The following TGFBR3 variants were observed in gnomAD, a reference collection of about 807,000 sequenced individuals.
TGFBR3 encodes transforming growth factor beta receptor 3.
A neutral mutation model predicts 87.9 loss-of-function variants in TGFBR3; 46 were observed. The ratio of observed to expected loss-of-function variants is 0.52; its 90% CI spans 0.41 to 0.67. The LOEUF is 0.67. TGFBR3 is among the 30% of genes least tolerant of loss of function. TGFBR3 has a pLI of 0.00. For synonymous variants in TGFBR3, 381 were observed against 391.6 expected (o/e 0.97, Z 0.32); for missense variants, 866 against 1,041.9 (o/e 0.83, Z 2.32).
intron 2 of TGFBR3, among the ~76,000 whole-genome samples, chr1:91,891,289 G>C (rs1679442683): frequency 6.6e-6 from 1 of 151,756 alleles, no homozygotes; most frequent in African/African-American, 2.4e-5. Context: ...CTTGAGCCCA[G>C]GATTTCGAGA....
chr1:91,719,998 A>G lies in TGFBR3; in HGVS notation c.1308T>C (p.Pro436=), dbSNP rs1386513694. Residue 436 remains proline, a synonymous_variant, in exon 9 of 17, where the codon CCT becomes CCC. Transcript: ENST00000212355. ...DPVIPSIQLF[P]GLREPEEVQG... ...GCACCTCTTCTGGCTCTCTGAGACC[A>G]GGAAACAGTTGTATGCTGGGAATGA... The G allele has an allele frequency of 1.2e-6, 2 of 1,614,108 alleles. No homozygotes were observed. The highest frequency in any genetic ancestry group is 2.7e-5 in the African/African-American group (2 of 74,944).
At chr1:91,876,636 C>T (rs1678824550) in intron 1 of TGFBR3, among the ~76,000 whole-genome samples, 1 of 152,174 alleles carries the variant, frequency 6.6e-6, no homozygotes, top group Admixed American at 6.6e-5. Context: ...TGGGACCATT[C>T]AGGCAGGAAA....
rs556618536 is a variant in TGFBR3 at position 91,861,974 on chromosome 1, G to C, written c.-113-330C>G. ...GGGTTCAAGCGATTCTCCTGCCTCA[G>C]CCTCCCAAGTAGCTGGGATTACAGA... On this transcript the variant is annotated intron_variant, in intron 1 of 16. Transcript: ENST00000212355. The C allele has an allele frequency of 6.4e-4, 147 of 228,636 alleles. 1 individual carries two copies. The highest frequency in any genetic ancestry group is 9.3e-4 in the Non-Finnish European group (109 of 116,902). The allele number at this position is 228,636 out of a possible 1,614,324, so 14.2% of individuals were successfully genotyped here.
chr1:91,730,784 TAAAG>T (rs1291244011), intron 5 of TGFBR3, among the ~76,000 whole-genome samples: 1 of 152,164 alleles, frequency 6.6e-6, no homozygotes, highest in East Asian at 1.9e-4. Flanking sequence ...TTGGGGGAAA[TAAAG>T]AAGGCAGACT....
At position 91,681,321 on chromosome 1, in the gene TGFBR3, T is replaced by G. The variant is rs1670900960; in HGVS notation, c.*2418A>C. 1 of 444,982 alleles carries G rather than the reference T, an allele frequency of 2.2e-6. No individual in the cohort carries two copies. The highest frequency in any genetic ancestry group is 4.5e-6 in the Non-Finnish European group (1 of 224,514). 27.6% of individuals were successfully genotyped at this position (444,982 alleles called of 1,614,324 possible). ...TCACTCTCCAATATGAGATTAGGTT[T>G]TATCGACACAGATTTCTTGATCTGA... is the stretch of plus-strand genomic sequence containing the variant. On this transcript the variant is annotated 3_prime_UTR_variant, in exon 17 of 17. Coordinates refer to ENST00000212355, the MANE Select transcript of TGFBR3 (RefSeq NM_003243.5).
At chr1:91,833,051 C>A (rs1315449714) in intron 2 of TGFBR3, among the ~76,000 whole-genome samples, 1 of 149,438 alleles carries the variant, frequency 6.7e-6, no homozygotes, top group East Asian at 2.0e-4. Context: ...AATCCCAGCA[C>A]TTTGGGAGGC....
intron 2 of TGFBR3, among the ~76,000 whole-genome samples, chr1:91,893,138 G>A (rs1015851490): frequency 3.9e-5 from 6 of 152,278 alleles, no homozygotes; most frequent in South Asian, 2.1e-4. Flanking sequence ...GTGGAAGGCC[G>A]TGTTGTAAGT....
At position 91,826,454 on chromosome 1, in the gene TGFBR3, C is replaced by G. The variant is rs545397949; in HGVS notation, c.62-28983G>C. On this transcript the variant is annotated intron_variant, in intron 2 of 16. Transcript: ENST00000212355. ...TAAGCCAATCACTGTAACTCCATTA[C>G]TCTACCAGGGACTGATTCAAGGATG... Among the ~76,000 whole-genome samples the G allele has an allele frequency of 1.5e-3, 231 of 152,268 alleles. 1 individual carries two copies. In the South Asian group the frequency reaches 0.018, roughly 12 times the overall value.
At chr1:91,879,588 T>G (rs2770184) in intron 1 of TGFBR3, among the ~76,000 whole-genome samples, 1,766 of 152,208 alleles carry the variant, frequency 0.012, 33 homozygotes, top group African/African-American at 0.041. Flanking sequence ...GAATAAAAAA[T>G]GAAGAATAAG....
chr1:91,851,395 T>C (rs1402010862), intron 2 of TGFBR3, among the ~76,000 whole-genome samples: 3 of 152,208 alleles, frequency 2.0e-5, no homozygotes, highest in African/African-American at 7.2e-5. Flanking sequence ...GTGGCTGCCA[T>C]GGATGTGGTG....
chr1:91,719,752 G>T, intron 9 of TGFBR3, 141 bp downstream of exon 9: 2 of 979,088 alleles, frequency 2.0e-6, no homozygotes, highest in Non-Finnish European at 3.2e-6. Flanking sequence ...CCAAGGGGAA[G>T]TAGGCCCATC....
chr1:91,695,140 CTATT>C lies in TGFBR3; in HGVS notation c.2437+528_2437+531del, dbSNP rs542405352. Among the ~76,000 whole-genome samples, 608 of 144,232 alleles carry C rather than the reference CTATT, an allele frequency of 4.2e-3. 4 individuals carry two copies. Among genetic ancestry groups the C allele is most frequent in the Non-Finnish European group, 6.6e-3 (440 of 66,344 alleles). The allele number at this position is 144,232 out of a possible 152,430, so 94.6% of individuals were successfully genotyped here. A position where few individuals can be genotyped will look rare whatever the true frequency, so the allele number is the denominator to read the frequency against. On this transcript the variant is annotated intron_variant, in intron 16 of 16. Coordinates refer to ENST00000212355, the MANE Select transcript of TGFBR3 (RefSeq NM_003243.5). ...TTTTTTTTTTTCAGTTCATGGAAAT[CTATT>C]TAGAAAATTTAACTTTATAGAAAAA... is the stretch of plus-strand genomic sequence containing the variant.
chr1:91,755,321 T>C (rs1333290976), intron 4 of TGFBR3, among the ~76,000 whole-genome samples: 1 of 152,156 alleles, frequency 6.6e-6, no homozygotes, highest in East Asian at 1.9e-4. Context: ...GGGAAAAGCC[T>C]GCCCAAGGAG....
chr1:91,720,489 G>T (rs1412571785), intron 8 of TGFBR3, among the ~76,000 whole-genome samples: 4 of 152,198 alleles, frequency 2.6e-5, no homozygotes, highest in Non-Finnish European at 1.5e-5. Context: ...AAATTAAGTG[G>T]TTGGAAATGA....
At chr1:91,736,953 G>A (rs1672987446) in intron 4 of TGFBR3, among the ~76,000 whole-genome samples, 1 of 152,196 alleles carries the variant, frequency 6.6e-6, no homozygotes, top group Non-Finnish European at 1.5e-5. Context: ...GTGCATTCCA[G>A]AGGCAAGAAA....
intron 16 of TGFBR3, among the ~76,000 whole-genome samples, chr1:91,691,033 A>T (rs551053186): frequency 1.3e-3 from 199 of 152,278 alleles, no homozygotes; most frequent in African/African-American, 4.7e-3. Context: ...TATTAGAATT[A>T]AAAAAGTTAT....
intron 2 of TGFBR3, among the ~76,000 whole-genome samples, chr1:91,799,304 T>C (rs1675511470): frequency 6.6e-6 from 1 of 152,206 alleles, no homozygotes; most frequent in Non-Finnish European, 1.5e-5. Context: ...CTCTGGACTG[T>C]GGCCAGCTGC....
intron 2 of TGFBR3, among the ~76,000 whole-genome samples, chr1:91,822,270 G>A (rs914286535): frequency 2.1e-5 from 3 of 140,904 alleles, no homozygotes; most frequent in Admixed American, 1.5e-4. Context: ...AGTGCCCGCT[G>A]TAGGCTGAGA....
intron 3 of TGFBR3, among the ~76,000 whole-genome samples, chr1:91,773,637 G>A (rs572793821): frequency 6.6e-5 from 10 of 152,298 alleles, no homozygotes; most frequent in South Asian, 4.1e-4. Context: ...AGCCGAGATC[G>A]CGCCACTGCA....
Sources: gnomAD v4.1 joint callset for allele counts (sites outside exome capture counted in the v4.1 genomes callset) on GRCh38, gnomAD v4.1.1 for gene constraint, MANE v1.5 for transcripts, NCBI Gene and HGNC (gene_info 2026-07-23, HGNC 2026-07-21) for gene names.